Variants in SETD9 observed in about 807,000 individuals in gnomAD.
SETD9 encodes the protein SET domain containing 9.
In SETD9, 37 loss-of-function variants were observed where a neutral mutation model predicts 36.4. The observed-to-expected ratio is 1.02, with a 90% CI of 0.78 to 1.34. The LOEUF is 1.34. Among genes scored for constraint, SETD9 ranks in the 40% most tolerant of loss-of-function variants. SETD9 has a pLI of 0.00. For missense variants in SETD9, 323 were observed against 353.2 expected (o/e 0.91, Z 0.69); for synonymous variants, 128 against 132.9 (o/e 0.96, Z 0.26).
At chr5:56,911,935 C>T (rs577273468) in intron 2 of SETD9, among the ~76,000 whole-genome samples, 1 of 152,222 alleles carries the variant, frequency 6.6e-6, no homozygotes, top group South Asian at 2.1e-4. Flanking sequence ...CCGAGGCGGG[C>T]AGATCGCGAG....
chr5:56,924,801 C>T (rs1003121018), intron 5 of SETD9, among the ~76,000 whole-genome samples: 5 of 152,210 alleles, frequency 3.3e-5, no homozygotes, highest in Admixed American at 6.5e-5. Context: ...TAAATGCTTT[C>T]TCCCTTGCTT....
At chr5:56,920,010 G>C (rs1749593606), downstream of SETD9, 1 of 152,502 alleles carries the variant, frequency 6.6e-6, no homozygotes, top group South Asian at 2.1e-4. Flanking sequence ...TGGTGGTCAG[G>C]TTTATTTGTT....
In SETD9 at chr5:56,916,790, C is replaced by G; in HGVS notation, c.813-25C>G. 1.9e-6 allele frequency: 3 copies of G among 1,593,830 alleles called. No homozygotes were observed. In the African/African-American group the frequency reaches 4.1e-5, roughly 22 times the overall value. ...GAGCTTATATTTGTTAATGCTCTAC[C>G]TTTTGTATATCTTTTTGTTTTCAGC... On this transcript the variant is annotated intron_variant, in intron 5 of 5. Coordinates refer to ENST00000285947, the MANE Select transcript of SETD9 (RefSeq NM_153706.4).
chr5:56,917,626 C>G (rs1749488454), downstream of SETD9, among the ~76,000 whole-genome samples: 1 of 152,178 alleles, frequency 6.6e-6, no homozygotes, highest in Non-Finnish European at 1.5e-5. Flanking sequence ...GCACCCATGT[C>G]CTATATACCC....
chr5:56,924,338 T>TA (rs1223526404), intron 5 of SETD9, among the ~76,000 whole-genome samples: 2 of 152,212 alleles, frequency 1.3e-5, no homozygotes, highest in African/African-American at 4.8e-5. Flanking sequence ...CTGAAAATCT[T>TA]AAACACTAGC....
chr5:56,915,103 C>A (rs1013628445), intron 5 of SETD9, 137 bp downstream of exon 5: 2 of 453,564 alleles, frequency 4.4e-6, no homozygotes, highest in Non-Finnish European at 7.7e-6. Context: ...TATGTTCACA[C>A]CTTAACGTGT....
chr5:56,911,691 CTGTT>C lies in SETD9; in HGVS notation c.466+159_466+162del. 5 of 778,242 alleles carry C rather than the reference CTGTT, an allele frequency of 6.4e-6. No individual in the cohort carries two copies. In the South Asian group the frequency reaches 1.6e-4, roughly 24 times the overall value. 48.2% of individuals were successfully genotyped at this position (778,242 alleles called of 1,614,324 possible). A position where few individuals can be genotyped will look rare whatever the true frequency, so the allele number is the denominator to read the frequency against. On this transcript the variant is annotated intron_variant, in intron 2 of 5. Coordinates refer to ENST00000285947, the MANE Select transcript of SETD9 (RefSeq NM_153706.4). ...TTTGCAATTCTAATTCGGAAATTAA[CTGTT>C]TGTAAATTGTTTTGTGTTAGAAAGT...
downstream of SETD9, among the ~76,000 whole-genome samples, chr5:56,919,404 G>A (rs992873004): frequency 2.6e-5 from 4 of 151,756 alleles, no homozygotes; most frequent in Non-Finnish European, 5.9e-5. Flanking sequence ...GATTACAGGG[G>A]GACTTTTATT....
At chr5:56,923,620 T>C (rs1749799441) in intron 5 of SETD9, 1 of 1,612,638 alleles carries the variant, frequency 6.2e-7, no homozygotes, top group South Asian at 1.1e-5. Context: ...AAGTAAGTGG[T>C]CCTATGACAT....
intron 1 of SETD9, 35 bp from the exon 2 acceptor site, chr5:56,911,134 G>A: frequency 6.6e-7 from 1 of 1,511,300 alleles, no homozygotes; most frequent in Non-Finnish European, 8.8e-7. Flanking sequence ...TTTATCAGTT[G>A]AAGGGTAGTG....
chr5:56,919,122 ACTT>A (rs570077952), downstream of SETD9, among the ~76,000 whole-genome samples: 131 of 119,612 alleles, frequency 1.1e-3, 1 homozygote, highest in Admixed American at 7.6e-4. Context: ...TTACTTTGGG[ACTT>A]CTTTTTTTTT....
downstream of SETD9, among the ~76,000 whole-genome samples, chr5:56,918,140 T>C (rs1403120046): frequency 6.6e-6 from 1 of 152,156 alleles, no homozygotes; most frequent in Non-Finnish European, 1.5e-5. Context: ...CTGAAGTCCT[T>C]CACATGCATA....
intron 3 of SETD9, among the ~76,000 whole-genome samples, chr5:56,913,584 A>G (rs1362880225): frequency 1.3e-5 from 2 of 151,730 alleles, no homozygotes; most frequent in African/African-American, 4.8e-5. Flanking sequence ...GGGTTTCACC[A>G]TGTTGGCCAG....
chr5:56,919,523 A>G (rs541743035), downstream of SETD9: 4 of 152,364 alleles, frequency 2.6e-5, no homozygotes, highest in South Asian at 8.3e-4. Flanking sequence ...GTGGTATAAT[A>G]TCTATCTATT....
intron 1 of SETD9, 35 bp downstream of exon 1, chr5:56,909,778 G>T (rs371381143): frequency 8.2e-6 from 13 of 1,582,220 alleles, no homozygotes; most frequent in Non-Finnish European, 1.1e-5. Flanking sequence ...AGGGGCACCT[G>T]CCTTCGGTTC....
Position 56,911,518 on chromosome 5 carries a change from G to T in SETD9, c.448G>T (p.Val150Phe). Residue 150 changes from valine (V) to phenylalanine (F), a missense_variant, in exon 2 of 6, where the codon GTC (valine) becomes TTC (phenylalanine). Coordinates refer to ENST00000285947, the MANE Select transcript of SETD9 (RefSeq NM_153706.4). ...VTKGLVPKGA[V>F]VSMYPGTVYQ... ...TAAAGGATTGGTACCAAAAGGCGCAGTCGTATCTATGTATCCTGGTAACAG... is the reference window on the plus strand; with the variant it reads ...TAAAGGATTGGTACCAAAAGGCGCATTCGTATCTATGTATCCTGGTAACAG... 1 of 1,572,210 alleles carries T rather than the reference G, an allele frequency of 6.4e-7. No individual in the cohort carries two copies. The highest frequency in any genetic ancestry group is 8.6e-7 in the Non-Finnish European group (1 of 1,163,864).
downstream of SETD9, among the ~76,000 whole-genome samples, chr5:56,917,839 C>T (rs1459781123): frequency 6.6e-6 from 1 of 152,234 alleles, no homozygotes; most frequent in Non-Finnish European, 1.5e-5. Flanking sequence ...TGACCTCCAT[C>T]GACCTGACTC....
chr5:56,913,653 G>A (rs956905663), intron 3 of SETD9, among the ~76,000 whole-genome samples: 1 of 151,988 alleles, frequency 6.6e-6, no homozygotes, highest in African/African-American at 2.4e-5. Context: ...CAAAGTATTG[G>A]GATTACAGGC....
chr5:56,914,737 T>C (rs1749339693), intron 4 of SETD9, 124 bp from the exon 5 acceptor site: 2 of 478,318 alleles, frequency 4.2e-6, no homozygotes. Flanking sequence ...TGGAACATAG[T>C]AGTAATTATT....
Sources: gnomAD v4.1 joint callset for allele counts (sites outside exome capture counted in the v4.1 genomes callset) on GRCh38, gnomAD v4.1.1 for gene constraint, MANE v1.5 for transcripts, NCBI Gene and HGNC (gene_info 2026-07-23, HGNC 2026-07-21) for gene names.